The following SLC9B1 variants were observed in gnomAD, a reference collection of about 807,000 sequenced individuals.
The protein encoded by SLC9B1 is sodium/hydrogen exchanger 9B1.
In SLC9B1, 32 loss-of-function variants were observed where a neutral mutation model predicts 51.7. The ratio of observed to expected loss-of-function variants is 0.62; its 90% CI spans 0.47 to 0.83. The LOEUF is 0.83. Among genes scored for constraint, SLC9B1 ranks in the 40% least tolerant of loss-of-function variants. SLC9B1 has a pLI of 0.00. For missense variants in SLC9B1, 406 were observed against 613.2 expected (o/e 0.66, Z 3.57); for synonymous variants, 145 against 212.7 (o/e 0.68, Z 2.77).
At chr4:102,914,226 A>AG (rs1560924076) in intron 7 of SLC9B1, among the ~76,000 whole-genome samples, 20 of 101,502 alleles carry the variant, frequency 2.0e-4, no homozygotes, top group Non-Finnish European at 1.8e-4. Context: ...GTCTGGGTGC[A>AG]CTGGATGAAT....
intron 3 of SLC9B1, among the ~76,000 whole-genome samples, chr4:102,985,167 T>C (rs2110513550): frequency 6.6e-6 from 1 of 152,350 alleles, no homozygotes; most frequent in South Asian, 2.1e-4. Context: ...AGTGTTAGAA[T>C]GGAATATCAT....
intron 3 of SLC9B1, among the ~76,000 whole-genome samples, chr4:102,987,675 G>C (rs1417375776): frequency 6.6e-6 from 1 of 152,090 alleles, no homozygotes; most frequent in Non-Finnish European, 1.5e-5. Flanking sequence ...CTGGTTGGCT[G>C]CAGAAGGTAA....
chr4:102,930,584 T>C (rs913518443), intron 7 of SLC9B1, among the ~76,000 whole-genome samples: 5 of 152,026 alleles, frequency 3.3e-5, no homozygotes, highest in East Asian at 1.9e-4. Flanking sequence ...TTTGTATTTT[T>C]AGTAGAGACA....
intron 6 of SLC9B1, among the ~76,000 whole-genome samples, chr4:102,944,490 C>G (rs1419943039): frequency 1.3e-5 from 2 of 152,146 alleles, no homozygotes; most frequent in Non-Finnish European, 1.5e-5. Context: ...TTATAAAGTT[C>G]TAATTTTTAA....
chr4:103,005,144 G>A (rs1389038008), intron 1 of SLC9B1, among the ~76,000 whole-genome samples: 1 of 151,730 alleles, frequency 6.6e-6, no homozygotes, highest in Non-Finnish European at 1.5e-5. Context: ...GCACAGAATG[G>A]CAAGTTGGAT....
intron 3 of SLC9B1, among the ~76,000 whole-genome samples, chr4:102,972,105 A>G (rs1738794655): frequency 6.6e-6 from 1 of 152,216 alleles, no homozygotes. Context: ...TATTCCAATC[A>G]ATATAAAAAC....
intron 11 of SLC9B1, among the ~76,000 whole-genome samples, chr4:102,904,147 C>T (rs1387975685): frequency 2.0e-5 from 3 of 151,880 alleles, no homozygotes; most frequent in Non-Finnish European, 1.5e-5. Flanking sequence ...CAGCCTCAAC[C>T]TCCTGAGTTC....
At chr4:103,003,795 G>GC (rs1330266407) in intron 1 of SLC9B1, among the ~76,000 whole-genome samples, 2 of 152,086 alleles carry the variant, frequency 1.3e-5, no homozygotes, top group Admixed American at 1.3e-4. Context: ...CCTGGTTTCA[G>GC]CCCCCCAGAG....
intron 11 of SLC9B1, chr4:102,885,386 T>A (rs1296964291): frequency 6.2e-7 from 1 of 1,614,118 alleles, no homozygotes; most frequent in Admixed American, 1.7e-5. Flanking sequence ...TGAAGATTTG[T>A]GTCTTACTAA....
intron 3 of SLC9B1, among the ~76,000 whole-genome samples, chr4:102,970,508 T>A (rs952372058): frequency 1.9e-4 from 29 of 152,030 alleles, no homozygotes; most frequent in South Asian, 4.1e-4. Flanking sequence ...TGGAAAGTAA[T>A]AACCAGTACC....
chr4:103,011,553 C>A (rs1006761548), intron 1 of SLC9B1, among the ~76,000 whole-genome samples: 3 of 152,160 alleles, frequency 2.0e-5, no homozygotes, highest in South Asian at 4.1e-4. Flanking sequence ...GTAGGCACTG[C>A]CCTAGTGGTG....
intron 7 of SLC9B1, among the ~76,000 whole-genome samples, chr4:102,918,581 T>C (rs941510793): frequency 6.6e-6 from 1 of 152,190 alleles, no homozygotes; most frequent in African/African-American, 2.4e-5. Flanking sequence ...GTGATAATAT[T>C]AAGAGGTGGG....
chr4:103,010,983 T>C (rs771276934), intron 1 of SLC9B1, among the ~76,000 whole-genome samples: 13 of 152,216 alleles, frequency 8.5e-5, no homozygotes, highest in Non-Finnish European at 1.5e-4. Context: ...AAGTCTTAAC[T>C]GTTTCCGATA....
intron 3 of SLC9B1, among the ~76,000 whole-genome samples, chr4:102,974,026 G>A (rs1323382552): frequency 5.3e-5 from 8 of 151,718 alleles, no homozygotes; most frequent in Non-Finnish European, 1.0e-4. Flanking sequence ...ACCTGAGGTC[G>A]GGAGTTCAAG....
chr4:102,897,461 A>G (rs1441160862), downstream of SLC9B1: 30 of 186,484 alleles, frequency 1.6e-4, no homozygotes, highest in Admixed American at 5.3e-4. Flanking sequence ...AATGAAGAGC[A>G]CCAGGCTCAG....
intron 7 of SLC9B1, among the ~76,000 whole-genome samples, chr4:102,913,211 GCT>G (rs903042663): frequency 6.7e-6 from 1 of 150,352 alleles, no homozygotes; most frequent in Non-Finnish European, 1.5e-5. Context: ...GTTACCTGAA[GCT>G]CTCTCTCTCT....
At chr4:102,970,535 G>A (rs1738702754) in intron 3 of SLC9B1, among the ~76,000 whole-genome samples, 1 of 152,146 alleles carries the variant, frequency 6.6e-6, no homozygotes, top group Non-Finnish European at 1.5e-5. Context: ...ACAAAAACAT[G>A]CCAAATTATA....
chr4:103,007,492 C>T (rs539774478), intron 1 of SLC9B1, among the ~76,000 whole-genome samples: 3 of 151,888 alleles, frequency 2.0e-5, no homozygotes, highest in East Asian at 1.9e-4. Flanking sequence ...AAAAACATTT[C>T]ATGCTACAGT....
At chr4:102,924,171 A>G (rs1227427783) in intron 7 of SLC9B1, among the ~76,000 whole-genome samples, 1 of 152,238 alleles carries the variant, frequency 6.6e-6, no homozygotes, top group Non-Finnish European at 1.5e-5. Flanking sequence ...ACAAGGCTAC[A>G]GTAACCAAAA....
Sources: allele counts gnomAD v4.1 joint callset (sites outside exome capture counted in the v4.1 genomes callset), GRCh38; gene constraint gnomAD v4.1.1; transcripts MANE v1.5; gene names NCBI Gene and HGNC (gene_info 2026-07-23, HGNC 2026-07-21).